Variants in MUC4 observed in about 807,000 individuals in gnomAD.
MUC4 encodes the protein mucin 4, cell surface associated.
MUC4 carries 202 observed loss-of-function variants against 257.9 expected under a neutral mutation model. That is an observed-to-expected ratio of 0.78 (90% CI 0.70 to 0.88). The LOEUF (loss-of-function observed/expected upper bound fraction) is 0.88, where lower values mean the gene tolerates loss of function less well. Ranked by LOEUF, MUC4 falls within the 40% of genes least tolerant of loss-of-function variation. MUC4 has a pLI of 0.00. For synonymous variants in MUC4, 2,351 were observed against 2,757.1 expected (o/e 0.85, Z 4.62); for missense variants, 5,976 against 6,513.7 (o/e 0.92, Z 2.84).
At position 195,811,791 on chromosome 3, in the gene MUC4, G is replaced by A; in HGVS notation, c.27C>T (p.Val9=). 1.2e-6 allele frequency: 2 copies of A among 1,613,970 alleles called. No homozygotes were observed. Among genetic ancestry groups the A allele is most frequent in the East Asian group, 2.2e-5 (1 of 44,872 alleles). Residue 9 remains valine, a synonymous_variant, in exon 1 of 25, where the codon GTC becomes GTT. Transcript: ENST00000463781. Reference sequence around the variant, plus strand: ...ACAGGCAGCTCAGGGACACCCAGGGGACCCTCCTCCAGCGTGCCCCCTTCA... The same window carrying A: ...ACAGGCAGCTCAGGGACACCCAGGGAACCCTCCTCCAGCGTGCCCCCTTCA... MKGARWRR[V]PWVSLSCLCL...
Position 195,746,851 on chromosome 3 carries a change from T to C in MUC4, c.*325A>G. The C allele has an allele frequency of 2.5e-6, 1 of 402,508 alleles. No homozygotes were observed. Among genetic ancestry groups the C allele is most frequent in the Non-Finnish European group, 4.4e-6 (1 of 226,290 alleles). 24.9% of individuals were successfully genotyped at this position (402,508 alleles called of 1,614,324 possible). On this transcript the variant is annotated 3_prime_UTR_variant, in exon 25 of 25. Coordinates refer to ENST00000463781, the MANE Select transcript of MUC4 (RefSeq NM_018406.7). ...GAGAGTTTTGTGTGCAGAAGCATTT[T>C]GCTTAACTTAGGGCCATCACCACAT...
chr3:195,761,509 C>G lies in MUC4; in HGVS notation c.14589G>C (p.Glu4863Asp), dbSNP rs1402190614. The G allele has an allele frequency of 1.2e-6, 2 of 1,613,956 alleles. No individual in the cohort carries two copies. Among genetic ancestry groups the G allele is most frequent in the Admixed American group, 1.7e-5 (1 of 60,002 alleles). The change falls in exon 15 of 25, where the codon GAG (glutamate) becomes GAC (aspartate). Residue 4863 changes from glutamate (E) to aspartate (D), a missense_variant. By Grantham distance (45) the Glu-to-Asp change is conservative (BLOSUM62 2). Transcript: ENST00000463781. ...AGGTCATTCCAAAGTGGAAAAGCAT[C>G]TCCTCAGGGCTCCCTGGGGGAATGG... ...GSTIPPGSPE[E>D]MLFHFGMTWQ...
chr3:195,751,736 G>T (rs968591244), intron 21 of MUC4: 16 of 234,942 alleles, frequency 6.8e-5, no homozygotes, highest in Admixed American at 5.1e-4. Flanking sequence ...GTGTGGAGTG[G>T]GGAGTGCTAG....
intron 2 of MUC4, among the ~76,000 whole-genome samples, 160 bp from the exon 3 acceptor site, chr3:195,778,615 G>T (rs1057024554): frequency 3.3e-5 from 5 of 152,182 alleles, no homozygotes; most frequent in Non-Finnish European, 1.5e-5. Flanking sequence ...CTTTTCGATT[G>T]CGGCACAAAG....
At chr3:195,798,872 G>C (rs1356101150) in intron 1 of MUC4, among the ~76,000 whole-genome samples, 6 of 152,130 alleles carry the variant, frequency 3.9e-5, no homozygotes, top group Non-Finnish European at 4.4e-5. Context: ...TTGGATGGCA[G>C]TTCCTTGCTT....
intron 7 of MUC4, among the ~76,000 whole-genome samples, chr3:195,767,970 TCGC>T: frequency 7.5e-6 from 1 of 133,668 alleles, no homozygotes; most frequent in African/African-American, 3.3e-5. Flanking sequence ...ACCACCACTA[TCGC>T]CATCACCGTC....
chr3:195,767,453 CCACCAACACTACCACCACCAT>C (rs1720815958), intron 7 of MUC4, among the ~76,000 whole-genome samples: 1 of 145,426 alleles, frequency 6.9e-6, no homozygotes, highest in Non-Finnish European at 1.5e-5. Context: ...ACCACCACCA[CCACCAACACTACCACCACCAT>C]CACCATCACC....
In MUC4 at chr3:195,757,137, C is replaced by T. The variant is rs2148780939; in HGVS notation, c.15168+10G>A. ...GCACAGAAACTCCTCCCCCACCTCC[C>T]AACACTCACCTCCAGGGAGGAGTTG... On this transcript the variant is annotated intron_variant, in intron 18 of 24. Transcript: ENST00000463781. This position sits in a 1 kb window ranked among gnomAD's most constrained non-coding sequence, Gnocchi z 4.8. The T allele has an allele frequency of 6.3e-7, 1 of 1,587,422 alleles. No individual in the cohort carries two copies. The highest frequency in any genetic ancestry group is 2.3e-5 in the East Asian group (1 of 44,134).
In MUC4 at chr3:195,791,213, A is replaced by T; in HGVS notation, c.367T>A (p.Phe123Ile). 17 of 1,587,480 alleles carry T rather than the reference A, an allele frequency of 1.1e-5. No individual in the cohort carries two copies. Among genetic ancestry groups the T allele is most frequent in the Non-Finnish European group, 1.4e-5 (16 of 1,160,138 alleles). Reference sequence around the variant, plus strand: ...AGTGTGTTGGTGACACTGGAGGGAAATGATGTGGTCATTTCATCTGGAGGA... The same window carrying T: ...AGTGTGTTGGTGACACTGGAGGGAATTGATGTGGTCATTTCATCTGGAGGA... ...TAPPDEMTTS[F>I]PSSVTNTLMM... The change falls in exon 2 of 25, where the codon TTT (phenylalanine) becomes ATT (isoleucine). Residue 123 changes from phenylalanine (F) to isoleucine (I), a missense_variant. Phe to Ile is a conservative substitution (Grantham distance 21, BLOSUM62 0). Around this residue, in one of 44 missense-constraint regions of MUC4, gnomAD observed 1,583 missense variants for 1,257.4 expected, o/e 1.26. Coordinates refer to ENST00000463781, the MANE Select transcript of MUC4 (RefSeq NM_018406.7).
At chr3:195,804,489 G>A (rs906060198) in intron 1 of MUC4, among the ~76,000 whole-genome samples, 36 of 152,252 alleles carry the variant, frequency 2.4e-4, no homozygotes, top group African/African-American at 8.7e-4. Flanking sequence ...CAAAGCCTGC[G>A]GCTTTCTAAG....
rs1270857713 is a variant in MUC4, at chr3:195,767,868, C to CCACCACCAT, written c.13530-1126_13530-1118dup. Among the ~76,000 whole-genome samples, 15 of 142,364 alleles carry CCACCACCAT rather than the reference C, an allele frequency of 1.1e-4. No individual in the cohort carries two copies. The South Asian group carries it at 1.5e-3, about 14-fold the overall frequency. 93.4% of individuals were successfully genotyped at this position (142,364 alleles called of 152,430 possible). On this transcript the variant is annotated intron_variant, in intron 7 of 24. Transcript: ENST00000463781. ...ACCATCGCCACCATCACCCCCAACA[C>CCACCACCAT]CACCACCATCACCACCATCACCACC...
At chr3:195,756,328 C>T (rs924106060) in intron 18 of MUC4, among the ~76,000 whole-genome samples, 9 of 152,202 alleles carry the variant, frequency 5.9e-5, no homozygotes, top group Admixed American at 4.6e-4. Flanking sequence ...TGTGGACTCA[C>T]GCCCAGGGAC....
At position 195,759,280 on chromosome 3, in the gene MUC4, A is replaced by T. The variant is rs1296933660; in HGVS notation, c.14849-19T>A. On this transcript the variant is annotated intron_variant, in intron 16 of 24. Transcript: ENST00000463781. ...TACTGATCTGAAACACAAAGAGGGA[A>T]TGGGGGTTCCGAGGCAGGACAGTCT... The T allele has an allele frequency of 6.2e-7, 1 of 1,612,628 alleles. No homozygotes were observed.
chr3:195,750,765 A>T, intron 23 of MUC4, 124 bp downstream of exon 23: 1 of 910,368 alleles, frequency 1.1e-6, no homozygotes, highest in Non-Finnish European at 1.7e-6. Context: ...CAAAATGTTC[A>T]CGTTTTCGCT....
intron 5 of MUC4, among the ~76,000 whole-genome samples, chr3:195,771,046 T>C (rs71635071): frequency 0.13 from 5,321 of 39,788 alleles, 93 homozygotes; most frequent in African/African-American, 0.16. Context: ...GTCAGTCTCG[T>C]GGTTGGGTTG....
chr3:195,783,995 GA>G lies in MUC4; in HGVS notation c.7584del (p.Leu2529PhefsTer475), dbSNP rs1262857866. On this transcript the variant is annotated frameshift_variant, in exon 2 of 25. Coordinates refer to ENST00000463781, the MANE Select transcript of MUC4 (RefSeq NM_018406.7). LOFTEE classifies it high-confidence loss of function. Reference sequence around the variant, plus strand: ...AATGAGGAAGCATTGGTGACAGGAAGAGGGGTGGTGTCACCTGTGGATGCTG... The same window carrying G: ...AATGAGGAAGCATTGGTGACAGGAAGGGGGTGGTGTCACCTGTGGATGCTG... ...TPSASTGDTTPLPVTNASSLS... is the reference protein window; with the variant it reads ...TPSASTGDTTXLPVTNASSLS... The G allele has an allele frequency of 1.8e-5, 27 of 1,529,530 alleles. No individual in the cohort carries two copies. Among genetic ancestry groups the G allele is most frequent in the Non-Finnish European group, 2.3e-5 (26 of 1,138,142 alleles). The allele number at this position is 1,529,530 out of a possible 1,614,324, so 94.7% of individuals were successfully genotyped here. A position where few individuals can be genotyped will look rare whatever the true frequency, so the allele number is the denominator to read the frequency against.
chr3:195,754,402 C>A (rs1306754157), intron 18 of MUC4, 30 bp from the exon 19 acceptor site: 11 of 1,584,490 alleles, frequency 6.9e-6, no homozygotes, highest in Non-Finnish European at 9.5e-6. Context: ...CACGGGCGGC[C>A]AGGAGACCAA....
In MUC4 at chr3:195,759,253, G is replaced by A. The variant is rs1560236311; in HGVS notation, c.14857C>T (p.Pro4953Ser). ...ACACGACCACCATTGATGGAGGGCG[G>A]GTACTGATCTGAAACACAAAGAGGG... ...EQANATLNQY[P>S]PSINGGRVIE... Residue 4953 changes from proline (P) to serine (S), a missense_variant, in exon 17 of 25, where the codon CCG becomes TCG. Around this residue, in one of 44 missense-constraint regions of MUC4, gnomAD observed 996 missense variants for 1,137.3 expected, o/e 0.88. Transcript: ENST00000463781. 1 of 1,613,808 alleles carries A rather than the reference G, an allele frequency of 6.2e-7. No homozygotes were observed.
At chr3:195,766,546 GC>G in intron 8 of MUC4, 116 bp downstream of exon 8, 2 of 871,926 alleles carry the variant, frequency 2.3e-6, no homozygotes, top group Non-Finnish European at 3.7e-6. Flanking sequence ...TGTGGGGGAG[GC>G]CCTTCAGGAT....
Sources: allele counts gnomAD v4.1 joint callset (sites outside exome capture counted in the v4.1 genomes callset), GRCh38; gene constraint gnomAD v4.1.1; regional missense constraint gnomAD v4.1.1; non-coding constraint Gnocchi (gnomAD v3.1); transcripts MANE v1.5; gene names NCBI Gene and HGNC (gene_info 2026-07-23, HGNC 2026-07-21).